SLK: variants seen among roughly 807,000 people sequenced by gnomAD.
SLK encodes the protein STE20-like serine/threonine-protein kinase.
A neutral mutation model predicts 147.7 loss-of-function variants in SLK; 67 were observed. The ratio of observed to expected loss-of-function variants is 0.45; its 90% confidence interval spans 0.37 to 0.56. SLK has a LOEUF of 0.56. Among genes scored for constraint, SLK ranks in the 20% least tolerant of loss-of-function variants. The pLI is 0.00. For missense variants in SLK, 1,136 were observed against 1,438.8 expected (o/e 0.79, Z 3.41); for synonymous variants, 441 against 475.0 (o/e 0.93, Z 0.93).
chr10:103,971,397 C>G (rs893344554), intron 1 of SLK, among the ~76,000 whole-genome samples: 4 of 152,144 alleles, frequency 2.6e-5, no homozygotes, highest in Admixed American at 6.5e-5. Flanking sequence ...GCCTCAGCCT[C>G]CGGAGTAGTT....
At chr10:103,982,553 C>G (rs1305507425) in intron 1 of SLK, among the ~76,000 whole-genome samples, 1 of 152,102 alleles carries the variant, frequency 6.6e-6, no homozygotes, top group Non-Finnish European at 1.5e-5. Context: ...CAGGAAATGA[C>G]ATAATCCTTG....
intron 1 of SLK, among the ~76,000 whole-genome samples, chr10:103,968,450 C>T (rs1843748005): frequency 6.6e-6 from 1 of 152,124 alleles, no homozygotes; most frequent in South Asian, 2.1e-4. Flanking sequence ...TTCCAAAAAA[C>T]CTTCATGTGG....
intron 6 of SLK, among the ~76,000 whole-genome samples, chr10:103,999,636 G>A (rs1228947775): frequency 6.6e-6 from 1 of 152,100 alleles, no homozygotes; most frequent in Non-Finnish European, 1.5e-5. Flanking sequence ...TGGCATACTT[G>A]TGAGTATATG....
At chr10:103,967,972 T>C in intron 1 of SLK, 77 bp downstream of exon 1, 2 of 1,432,590 alleles carry the variant, frequency 1.4e-6, no homozygotes, top group South Asian at 1.2e-5. Context: ...GGACTTCTGC[T>C]CCCCTGGTCC....
intron 9 of SLK, among the ~76,000 whole-genome samples, chr10:104,003,843 G>T (rs1226225237): frequency 6.6e-6 from 1 of 152,124 alleles, no homozygotes; most frequent in Non-Finnish European, 1.5e-5. Flanking sequence ...ATGTATGAGA[G>T]AATTAGAAAT....
chr10:104,008,839 T>C (rs906672624), intron 12 of SLK, among the ~76,000 whole-genome samples: 16 of 152,332 alleles, frequency 1.1e-4, no homozygotes, highest in Middle Eastern at 3.4e-3. Context: ...TTAACGATTT[T>C]GTTTGTTGAT....
Position 103,990,659 on chromosome 10 carries a change from A to T in SLK, c.151-16A>T. The T allele has an allele frequency of 2.7e-6, 4 of 1,498,920 alleles. No homozygotes were observed. Among genetic ancestry groups the T allele is most frequent in the Non-Finnish European group, 3.6e-6 (4 of 1,121,680 alleles). The allele number at this position is 1,498,920 out of a possible 1,614,324, so 92.9% of individuals were successfully genotyped here. ...ATGCATTTGAAATGTGACACTTCTGATACTTTCATTTTCAGGCCCAGAATA... is the reference window on the plus strand; with the variant it reads ...ATGCATTTGAAATGTGACACTTCTGTTACTTTCATTTTCAGGCCCAGAATA... On this transcript the variant is annotated splice_polypyrimidine_tract_variant and intron_variant, in intron 1 of 18. Transcript: ENST00000369755.
chr10:104,022,294 G>T (rs1288803404), intron 18 of SLK, among the ~76,000 whole-genome samples: 2 of 152,132 alleles, frequency 1.3e-5, no homozygotes, highest in Non-Finnish European at 1.5e-5. Flanking sequence ...ATATTAAAAG[G>T]CCCTGTTATT....
Position 103,967,225 on chromosome 10 carries a change from G to A in SLK, c.-521G>A, listed in dbSNP as rs1843724115. The A allele has an allele frequency of 6.6e-6, 1 of 152,028 alleles. No individual in the cohort carries two copies. The highest frequency in any genetic ancestry group is 2.4e-5 in the African/African-American group (1 of 41,354). 9.4% of individuals were successfully genotyped at this position (152,028 alleles called of 1,614,324 possible). ...GGCGGCGGCGGCGCCCCAGACCCGA[G>A]GGGACGCGCGGGCCTTGCGCCGCGG... On this transcript the variant is annotated 5_prime_UTR_variant, in exon 1 of 19. Coordinates refer to ENST00000369755, the MANE Select transcript of SLK (RefSeq NM_014720.4).
intron 1 of SLK, among the ~76,000 whole-genome samples, chr10:103,979,287 G>C (rs909754217): frequency 6.6e-6 from 1 of 152,204 alleles, no homozygotes; most frequent in South Asian, 2.1e-4. Context: ...AAAGTGCTGG[G>C]ATTATAGGCG....
At chr10:104,010,462 G>A (rs1216913644) in intron 12 of SLK, among the ~76,000 whole-genome samples, 1 of 152,146 alleles carries the variant, frequency 6.6e-6, no homozygotes, top group African/African-American at 2.4e-5. Flanking sequence ...CAATAGATAC[G>A]TTTATAATTT....
At chr10:103,982,801 T>G (rs150299478) in intron 1 of SLK, among the ~76,000 whole-genome samples, 2 of 152,316 alleles carry the variant, frequency 1.3e-5, no homozygotes, top group African/African-American at 2.4e-5. Flanking sequence ...TGCCTTGATT[T>G]CACCTCTCAT....
At chr10:104,025,052 C>T (rs1461991375) in intron 18 of SLK, among the ~76,000 whole-genome samples, 1 of 152,170 alleles carries the variant, frequency 6.6e-6, no homozygotes, top group Non-Finnish European at 1.5e-5. Context: ...TTACATTTCT[C>T]AAGCACTTAT....
intron 1 of SLK, among the ~76,000 whole-genome samples, chr10:103,985,379 T>C (rs1447515051): frequency 6.6e-6 from 1 of 152,168 alleles, no homozygotes; most frequent in African/African-American, 2.4e-5. Flanking sequence ...GTAGTGGATG[T>C]TCATGAACAT....
chr10:103,991,763 TA>T (rs1481918410), intron 2 of SLK, among the ~76,000 whole-genome samples: 1 of 152,114 alleles, frequency 6.6e-6, no homozygotes, highest in African/African-American at 2.4e-5. Context: ...GGAAGCTACC[TA>T]ATTAGTTAAA....
At chr10:103,979,921 T>G (rs1220126636) in intron 1 of SLK, among the ~76,000 whole-genome samples, 2 of 152,234 alleles carry the variant, frequency 1.3e-5, no homozygotes, top group East Asian at 3.8e-4. Context: ...CTTAAGAAAT[T>G]CTTTCCTAAC....
rs1844109533 is a variant in SLK, at chr10:103,992,465, G to A, written c.316-133G>A. 5 of 763,782 alleles carry A rather than the reference G, an allele frequency of 6.5e-6. No individual in the cohort carries two copies. The South Asian group carries it at 7.2e-5, about 11-fold the overall frequency. 47.3% of individuals were successfully genotyped at this position (763,782 alleles called of 1,614,324 possible). On this transcript the variant is annotated intron_variant, in intron 2 of 18. Coordinates refer to ENST00000369755, the MANE Select transcript of SLK (RefSeq NM_014720.4). Reference sequence around the variant, plus strand: ...ACTCTTTTGACAAAATCTTCGTTTAGTATATCGTTTCCATAACCAGATTAT... The same window carrying A: ...ACTCTTTTGACAAAATCTTCGTTTAATATATCGTTTCCATAACCAGATTAT...
intron 13 of SLK, among the ~76,000 whole-genome samples, chr10:104,013,927 TA>T (rs1392305688): frequency 1.3e-5 from 2 of 152,190 alleles, no homozygotes; most frequent in African/African-American, 4.8e-5. Flanking sequence ...TGGAGTCATA[TA>T]ACCATTTTAC....
intron 1 of SLK, among the ~76,000 whole-genome samples, chr10:103,975,109 C>G (rs1025333260): frequency 3.3e-5 from 5 of 151,940 alleles, no homozygotes; most frequent in Admixed American, 6.6e-5. Context: ...GCCACCTTCT[C>G]CTTTTCTTAA....
Sources: allele counts gnomAD v4.1 joint callset (sites outside exome capture counted in the v4.1 genomes callset), GRCh38; gene constraint gnomAD v4.1.1; transcripts MANE v1.5; gene names NCBI Gene and HGNC (gene_info 2026-07-23, HGNC 2026-07-21).